The following EFNA5 variants were observed in gnomAD, a reference collection of about 807,000 sequenced individuals.
The protein encoded by EFNA5 is ephrin-A5.
A neutral mutation model predicts 22.9 loss-of-function variants in EFNA5; 5 were observed. The ratio of observed to expected loss-of-function variants is 0.22; its 90% CI spans 0.11 to 0.46. EFNA5 has a LOEUF of 0.46. Among genes scored for constraint, EFNA5 ranks in the 20% least tolerant of loss-of-function variants. EFNA5 has a pLI of 0.99. For missense variants in EFNA5, 237 were observed against 293.3 expected (o/e 0.81, Z 1.40); for synonymous variants, 113 against 112.2 (o/e 1.01, Z -0.04).
intron 1 of EFNA5, among the ~76,000 whole-genome samples, chr5:107,603,499 T>A (rs1426550262): frequency 1.3e-5 from 2 of 152,224 alleles, no homozygotes; most frequent in Admixed American, 6.5e-5. Context: ...ACAATACGCA[T>A]GAACCAAGGG....
At chr5:107,510,084 C>CAAGGTA (rs780148183) in intron 1 of EFNA5, among the ~76,000 whole-genome samples, 8 of 152,174 alleles carry the variant, frequency 5.3e-5, no homozygotes, top group Non-Finnish European at 1.0e-4. Context: ...GAGGTCAACA[C>CAAGGTA]AAGGTACAGG....
At chr5:107,663,460 T>G (rs981664964) in intron 1 of EFNA5, among the ~76,000 whole-genome samples, 18 of 152,140 alleles carry the variant, frequency 1.2e-4, no homozygotes, top group Non-Finnish European at 1.9e-4. Flanking sequence ...ACATATTTGC[T>G]AACATATATG....
chr5:107,377,825 T>A lies in EFNA5; in HGVS notation c.*3430A>T, dbSNP rs893413270. On this transcript the variant is annotated 3_prime_UTR_variant, in exon 5 of 5. Coordinates refer to ENST00000333274, the MANE Select transcript of EFNA5 (RefSeq NM_001962.3). ...ACTGTTTCTAAATTCCCTATCCTTT[T>A]CAAACCAACATGCTGGTGGAGAAGG... 3 of 152,208 alleles carry A rather than the reference T, an allele frequency of 2.0e-5. No homozygotes were observed. The highest frequency in any genetic ancestry group is 4.8e-5 in the African/African-American group (2 of 41,436). The allele number at this position is 152,208 out of a possible 1,614,324, so 9.4% of individuals were successfully genotyped here.
intron 1 of EFNA5, among the ~76,000 whole-genome samples, chr5:107,492,380 A>G (rs1242009351): frequency 6.6e-6 from 1 of 152,244 alleles, no homozygotes; most frequent in African/African-American, 2.4e-5. Context: ...CTATTCAGCT[A>G]GAAAGATCAT....
At chr5:107,506,620 G>A (rs1015883988) in intron 1 of EFNA5, among the ~76,000 whole-genome samples, 3 of 152,114 alleles carry the variant, frequency 2.0e-5, no homozygotes, top group Non-Finnish European at 2.9e-5. Context: ...GGTGTGGAGG[G>A]TGGGCAGCCC....
chr5:107,514,546 C>T (rs944364693), intron 1 of EFNA5, among the ~76,000 whole-genome samples: 1 of 152,034 alleles, frequency 6.6e-6, no homozygotes, highest in Non-Finnish European at 1.5e-5. Context: ...GTGTGGGAGA[C>T]CCAAGGAAGC....
At chr5:107,486,687 T>C (rs1164121036) in intron 1 of EFNA5, among the ~76,000 whole-genome samples, 1 of 152,178 alleles carries the variant, frequency 6.6e-6, no homozygotes, top group East Asian at 1.9e-4. Context: ...GTGGTTTGTG[T>C]TGAGATGACA....
intron 1 of EFNA5, among the ~76,000 whole-genome samples, chr5:107,522,252 A>T (rs1320663019): frequency 6.6e-6 from 1 of 152,208 alleles, no homozygotes; most frequent in South Asian, 2.1e-4. Context: ...ACATCTGTAC[A>T]TGTTTTATTA....
In EFNA5 at chr5:107,664,684, G is replaced by A. The variant is rs899006842; in HGVS notation, c.125+5805C>T. Among the ~76,000 whole-genome samples, 3 of 152,096 alleles carry A rather than the reference G, an allele frequency of 2.0e-5. No individual in the cohort carries two copies. In the East Asian group the frequency reaches 5.8e-4, roughly 29 times the overall value. ...GTTATCCATCACAAATGATCAAAGG[G>A]CAATTTTTTTCCTCAGTTCAGAAAG... On this transcript the variant is annotated intron_variant, in intron 1 of 4. Coordinates refer to ENST00000333274, the MANE Select transcript of EFNA5 (RefSeq NM_001962.3).
At chr5:107,421,044 T>C (rs935057843) in intron 2 of EFNA5, among the ~76,000 whole-genome samples, 8 of 152,216 alleles carry the variant, frequency 5.3e-5, no homozygotes, top group African/African-American at 1.9e-4. Context: ...TTTTAAAAGG[T>C]TAGCCAATAA....
rs558799287 is a variant in EFNA5, at chr5:107,579,054, C to A, written c.125+91435G>T. Among the ~76,000 whole-genome samples the A allele has an allele frequency of 9.2e-5, 14 of 152,254 alleles. No individual in the cohort carries two copies. The South Asian group carries it at 2.1e-3, about 23-fold the overall frequency. ...ACATGAAGCACACTGTGGCCCTGAT[C>A]AACTCTGCCACTTCCTGCTTGCCCA... On this transcript the variant is annotated intron_variant, in intron 1 of 4. Coordinates refer to ENST00000333274, the MANE Select transcript of EFNA5 (RefSeq NM_001962.3).
chr5:107,608,936 G>A (rs1749772226), intron 1 of EFNA5, among the ~76,000 whole-genome samples: 1 of 152,162 alleles, frequency 6.6e-6, no homozygotes, highest in Non-Finnish European at 1.5e-5. Flanking sequence ...ACCCTAAATA[G>A]TGGCTTTCTA....
chr5:107,668,602 G>A (rs1176489917), intron 1 of EFNA5, among the ~76,000 whole-genome samples: 2 of 152,112 alleles, frequency 1.3e-5, no homozygotes, highest in African/African-American at 4.8e-5. Context: ...GTGGAGCTTG[G>A]TGTGGGAAAG....
intron 1 of EFNA5, among the ~76,000 whole-genome samples, chr5:107,594,332 G>C (rs1184480209): frequency 6.6e-6 from 1 of 152,096 alleles, no homozygotes; most frequent in Non-Finnish European, 1.5e-5. Context: ...TCATAATGAG[G>C]GGTAAAAAGA....
At chr5:107,510,531 C>G (rs67437152) in intron 1 of EFNA5, among the ~76,000 whole-genome samples, 1 of 152,028 alleles carries the variant, frequency 6.6e-6, no homozygotes, top group Non-Finnish European at 1.5e-5. Context: ...TCCAAGAACC[C>G]TCTCTTGGGG....
At chr5:107,399,990 T>C (rs1255113009) in intron 2 of EFNA5, among the ~76,000 whole-genome samples, 2 of 152,170 alleles carry the variant, frequency 1.3e-5, no homozygotes, top group African/African-American at 4.8e-5. Context: ...AAACCTATAA[T>C]TTACGTGTAC....
intron 1 of EFNA5, among the ~76,000 whole-genome samples, chr5:107,482,832 GTCTCTCTCTCTCTCTC>G (rs59574940): frequency 3.2e-5 from 3 of 94,066 alleles, no homozygotes; most frequent in Middle Eastern, 5.3e-3. Context: ...CTCTGTCTCT[GTCTCTCTCTCTCTCTC>G]TCTCTCTCTC....
At chr5:107,480,592 G>T (rs1336317349) in intron 1 of EFNA5, among the ~76,000 whole-genome samples, 1 of 152,166 alleles carries the variant, frequency 6.6e-6, no homozygotes. Context: ...AGTGGAGAGG[G>T]GAGGTATCCA....
intron 1 of EFNA5, among the ~76,000 whole-genome samples, chr5:107,552,911 G>A (rs2112469893): frequency 6.6e-6 from 1 of 152,268 alleles, no homozygotes; most frequent in East Asian, 1.9e-4. Context: ...GTAACATGTG[G>A]GCAATAGTAA....
Sources: allele counts gnomAD v4.1 joint callset (sites outside exome capture counted in the v4.1 genomes callset), GRCh38; gene constraint gnomAD v4.1.1; transcripts MANE v1.5; gene names NCBI Gene and HGNC (gene_info 2026-07-23, HGNC 2026-07-21).